MCTP1: variants seen among roughly 807,000 people sequenced by gnomAD.
MCTP1 encodes multiple C2 and transmembrane domain-containing protein 1.
In MCTP1, 69 loss-of-function variants were observed where a neutral mutation model predicts 120.6. The observed-to-expected ratio is 0.57, with a 90% CI of 0.47 to 0.70. The LOEUF (loss-of-function observed/expected upper bound fraction) is 0.70, where lower values mean the gene tolerates loss of function less well. Among genes scored for constraint, MCTP1 ranks in the 30% least tolerant of loss-of-function variants. The pLI is 0.00. For synonymous variants in MCTP1, 529 were observed against 493.1 expected (o/e 1.07, Z -0.96); for missense variants, 1,203 against 1,248.8 (o/e 0.96, Z 0.55).
chr5:94,982,670 C>T (rs892904520), intron 2 of MCTP1, among the ~76,000 whole-genome samples: 2 of 151,922 alleles, frequency 1.3e-5, no homozygotes, highest in South Asian at 4.2e-4. Context: ...GGGCAGATCA[C>T]CTGAAGTCAG....
At chr5:95,099,072 T>C (rs1756504774) in intron 1 of MCTP1, among the ~76,000 whole-genome samples, 1 of 150,266 alleles carries the variant, frequency 6.7e-6, no homozygotes, top group South Asian at 2.1e-4. Flanking sequence ...TAGCCATATG[T>C]AGAAAGCTGA....
rs79873106 is a variant in MCTP1 at position 95,221,512 on chromosome 5, A to G, written c.720+62344T>C. Among the ~76,000 whole-genome samples, 958 of 152,342 alleles carry G rather than the reference A, an allele frequency of 6.3e-3. 13 individuals carry two copies. Among genetic ancestry groups the G allele is most frequent in the African/African-American group, 0.022 (903 of 41,574 alleles). On this transcript the variant is annotated intron_variant, in intron 1 of 22. Transcript: ENST00000515393. ...CTTCCCATGGTGACAAATGGGGCAC[A>G]TGAGATATGTGGTTATAAATACAGT... is the stretch of plus-strand genomic sequence containing the variant.
At chr5:95,130,908 G>A (rs1382233958) in intron 1 of MCTP1, among the ~76,000 whole-genome samples, 1 of 152,030 alleles carries the variant, frequency 6.6e-6, no homozygotes, top group African/African-American at 2.4e-5. Context: ...AGAATTTCAG[G>A]GTAAGAATTA....
intron 1 of MCTP1, among the ~76,000 whole-genome samples, chr5:95,128,775 CTG>C (rs576781085): frequency 5.9e-5 from 9 of 152,132 alleles, no homozygotes; most frequent in Non-Finnish European, 1.3e-4. Context: ...ATGCACGACT[CTG>C]TGAATATACT....
intron 18 of MCTP1, among the ~76,000 whole-genome samples, chr5:94,797,761 C>T (rs1444081996): frequency 6.6e-6 from 1 of 152,010 alleles, no homozygotes; most frequent in African/African-American, 2.4e-5. Flanking sequence ...TTCCTTCCCT[C>T]ACATTTATAA....
Position 94,912,466 on chromosome 5 carries a change from A to AAAAAAAAAAAAAAAAG in MCTP1, c.1521+339_1521+340insCTTTTTTTTTTTTTTT, listed in dbSNP as rs1211529200. Reference sequence around the variant, plus strand: ...AAAAAAAAAAAAAAAAAAAAAAAAAAGCCGCACTCTGAGTACTTTATGTGC... The same window carrying AAAAAAAAAAAAAAAAG: ...AAAAAAAAAAAAAAAAAAAAAAAAAAAAAAAAAAAAAAAAAGGCCGCACTCTGAGTACTTTATGTGC... On this transcript the variant is annotated intron_variant, in intron 9 of 22. Coordinates refer to ENST00000515393, the MANE Select transcript of MCTP1 (RefSeq NM_024717.7). 9.9e-4 allele frequency among the ~76,000 whole-genome samples: 91 copies of AAAAAAAAAAAAAAAAG among 92,098 alleles called. 20 individuals carry two copies. Among genetic ancestry groups the AAAAAAAAAAAAAAAAG allele is most frequent in the Non-Finnish European group, 1.3e-3 (57 of 42,806 alleles). 60.4% of individuals were successfully genotyped at this position (92,098 alleles called of 152,430 possible).
chr5:94,871,252 CTTTTTT>C, intron 14 of MCTP1, 57 bp downstream of exon 14: 2 of 867,460 alleles, frequency 2.3e-6, no homozygotes. Context: ...GTTTTCTTTT[CTTTTTT>C]TTTTTTTCCG....
In MCTP1 at chr5:94,942,358, C is replaced by A; in HGVS notation, c.1051G>T (p.Glu351Ter). Residue 351 changes from glutamate to a stop codon, truncating the protein, a stop_gained, in exon 4 of 23, where the codon GAG becomes TAG. Transcript: ENST00000515393. LOFTEE classifies it high-confidence loss of function. ...GSAFLDLTQL[E>*]LNRPTDVTLT... ...CAGTTCAAAAGTTACCTGTTTAACT[C>A]CAATTGTGTCAGATCCAGAAAGGCT... 1 of 1,610,726 alleles carries A rather than the reference C, an allele frequency of 6.2e-7. No homozygotes were observed. Among genetic ancestry groups the A allele is most frequent in the South Asian group, 1.1e-5 (1 of 90,966 alleles).
intron 19 of MCTP1, among the ~76,000 whole-genome samples, chr5:94,776,935 T>C (rs1775483554): frequency 6.6e-6 from 1 of 152,218 alleles, no homozygotes; most frequent in Non-Finnish European, 1.5e-5. Context: ...AAACTATATT[T>C]CAAGATGTCC....
rs79019650 is a variant in MCTP1 at position 95,029,663 on chromosome 5, G to A, written c.721-12179C>T. Among the ~76,000 whole-genome samples, 124 of 152,260 alleles carry A rather than the reference G, an allele frequency of 8.1e-4. 1 individual carries two copies. The East Asian group carries it at 0.019, about 23-fold the overall frequency. On this transcript the variant is annotated intron_variant, in intron 1 of 22. Coordinates refer to ENST00000515393, the MANE Select transcript of MCTP1 (RefSeq NM_024717.7). ...TCCTCTCACCTCTCTGACAATCTCC[G>A]GACAGCCAGACTGTTGGGGAACCCC...
chr5:94,863,711 C>T (rs971815690), intron 17 of MCTP1, among the ~76,000 whole-genome samples: 4 of 151,776 alleles, frequency 2.6e-5, no homozygotes, highest in Non-Finnish European at 4.4e-5. Context: ...ACTTTCTGCA[C>T]GAGAAGGAAG....
intron 1 of MCTP1, among the ~76,000 whole-genome samples, chr5:95,274,991 C>T (rs1759712023): frequency 6.6e-6 from 1 of 152,184 alleles, no homozygotes; most frequent in Non-Finnish European, 1.5e-5. Context: ...TGCAGCCTCA[C>T]CTTCATCTCA....
At chr5:95,266,620 C>T (rs985173380) in intron 1 of MCTP1, among the ~76,000 whole-genome samples, 3 of 152,180 alleles carry the variant, frequency 2.0e-5, no homozygotes, top group African/African-American at 7.2e-5. Context: ...GTTCTTGATA[C>T]CCTTTAGACT....
chr5:95,193,960 C>T (rs953893733), intron 1 of MCTP1, among the ~76,000 whole-genome samples: 5 of 152,134 alleles, frequency 3.3e-5, no homozygotes, highest in African/African-American at 1.2e-4. Context: ...CTTGTAACCT[C>T]AACACTTTAG....
intron 19 of MCTP1, among the ~76,000 whole-genome samples, chr5:94,756,885 CTTT>C (rs375357568): frequency 6.6e-6 from 1 of 151,242 alleles, no homozygotes; most frequent in Non-Finnish European, 1.5e-5. Flanking sequence ...GAATTTATGA[CTTT>C]TTTTTTGTGG....
intron 2 of MCTP1, among the ~76,000 whole-genome samples, chr5:94,962,483 G>A (rs904431158): frequency 6.7e-6 from 1 of 149,912 alleles, no homozygotes; most frequent in Non-Finnish European, 1.5e-5. Context: ...ATATATTGTA[G>A]ATATATAACA....
At chr5:94,880,057 G>A (rs1480677953) in intron 12 of MCTP1, among the ~76,000 whole-genome samples, 1 of 152,054 alleles carries the variant, frequency 6.6e-6, no homozygotes, top group Non-Finnish European at 1.5e-5. Flanking sequence ...GAAAGAGGAA[G>A]GAGACTATGG....
chr5:95,135,256 CATA>C (rs1759365019), intron 1 of MCTP1, among the ~76,000 whole-genome samples: 1 of 152,008 alleles, frequency 6.6e-6, no homozygotes, highest in Non-Finnish European at 1.5e-5. Flanking sequence ...AGTCAGGGAC[CATA>C]ATATCAACAA....
At chr5:94,923,346 T>A (rs563920203) in intron 7 of MCTP1, among the ~76,000 whole-genome samples, 2 of 152,180 alleles carry the variant, frequency 1.3e-5, no homozygotes, top group Admixed American at 1.3e-4. Context: ...CTGTGCATAA[T>A]GCAGAATTAG....
Sources: allele counts gnomAD v4.1 joint callset (sites outside exome capture counted in the v4.1 genomes callset), GRCh38; gene constraint gnomAD v4.1.1; transcripts MANE v1.5; gene names NCBI Gene and HGNC (gene_info 2026-07-23, HGNC 2026-07-21).